The following CTNND2 variants were observed in gnomAD, a reference collection of about 807,000 sequenced individuals.
CTNND2 encodes catenin delta 2.
A neutral mutation model predicts 144.4 loss-of-function variants in CTNND2; 22 were observed. The ratio of observed to expected loss-of-function variants is 0.15; its 90% confidence interval spans 0.11 to 0.22. The LOEUF is 0.22. Ranked by LOEUF, CTNND2 falls within the 10% of genes least tolerant of loss-of-function variation. The pLI is 1.00. For synonymous variants in CTNND2, 751 were observed against 695.6 expected (o/e 1.08, Z -1.25); for missense variants, 1,353 against 1,618.8 (o/e 0.84, Z 2.82).
intron 15 of CTNND2, among the ~76,000 whole-genome samples, chr5:11,097,754 A>C (rs1469513927): frequency 6.6e-6 from 1 of 152,150 alleles, no homozygotes; most frequent in Non-Finnish European, 1.5e-5. Context: ...ATGTAAAGGA[A>C]AGGAGTGATT....
At chr5:11,425,588 T>A (rs758278560) in intron 3 of CTNND2, among the ~76,000 whole-genome samples, 66 of 152,152 alleles carry the variant, frequency 4.3e-4, no homozygotes, top group Non-Finnish European at 6.9e-4. Flanking sequence ...ATGTATAAAA[T>A]CATTTTAAAA....
chr5:11,691,177 C>G lies in CTNND2; in HGVS notation c.174+40959G>C, dbSNP rs968845108. 2.0e-5 allele frequency among the ~76,000 whole-genome samples: 3 copies of G among 152,156 alleles called. No homozygotes were observed. In the South Asian group the frequency reaches 6.2e-4, roughly 32 times the overall value. On this transcript the variant is annotated intron_variant, in intron 2 of 21. Transcript: ENST00000304623. ...ACAAGGTCAGGAGATTGAGACCATCCTGGCTAACATGGGGCAACTCCGTCT... is the reference window on the plus strand; with the variant it reads ...ACAAGGTCAGGAGATTGAGACCATCGTGGCTAACATGGGGCAACTCCGTCT...
chr5:11,657,042 A>G (rs572013938), intron 2 of CTNND2, among the ~76,000 whole-genome samples: 1 of 152,216 alleles, frequency 6.6e-6, no homozygotes, highest in African/African-American at 2.4e-5. Flanking sequence ...TAAAACTTGA[A>G]GAATGTGTCT....
Position 11,162,884 on chromosome 5 carries a change from TACACAC to T in CTNND2, c.1976-3131_1976-3126del, listed in dbSNP as rs34257746. Among the ~76,000 whole-genome samples, 725 of 147,772 alleles carry T rather than the reference TACACAC, an allele frequency of 4.9e-3. 1 individual carries two copies. The highest frequency in any genetic ancestry group is 0.017 in the Middle Eastern group (5 of 292). ...ACTGGGAATTCCACATCTTTCCTGC[TACACAC>T]ACACACACACACACACACACACATA... On this transcript the variant is annotated intron_variant, in intron 11 of 21. Transcript: ENST00000304623.
chr5:11,817,411 GAGAGAGAGAGAGAGAGAGAGAGAGAGA>G (rs1793031652), intron 1 of CTNND2, among the ~76,000 whole-genome samples: 1 of 378 alleles, frequency 2.6e-3, no homozygotes, highest in Non-Finnish European at 6.6e-3. Flanking sequence ...AGAGAGGAGG[GAGAGAGAGAGAGAGAGAGAGAGAGAGA>G]GAGAGAGAGA....
intron 1 of CTNND2, among the ~76,000 whole-genome samples, chr5:11,788,462 T>C (rs1428576246): frequency 6.6e-6 from 1 of 152,172 alleles, no homozygotes; most frequent in Non-Finnish European, 1.5e-5. Flanking sequence ...GAAAATCTAA[T>C]ATTACTTTAC....
chr5:11,792,763 A>C (rs1282591614), intron 1 of CTNND2, among the ~76,000 whole-genome samples: 1 of 152,248 alleles, frequency 6.6e-6, no homozygotes, highest in East Asian at 1.9e-4. Context: ...TGTCCTCTTA[A>C]AAGAAAAATA....
At chr5:11,167,906 A>G (rs1759505290) in intron 11 of CTNND2, among the ~76,000 whole-genome samples, 2 of 145,128 alleles carry the variant, frequency 1.4e-5, no homozygotes, top group South Asian at 4.4e-4. Flanking sequence ...AGGTCTTACT[A>G]TGTTGTTCAG....
intron 15 of CTNND2, among the ~76,000 whole-genome samples, chr5:11,091,224 T>A (rs1049857182): frequency 6.6e-6 from 1 of 152,186 alleles, no homozygotes; most frequent in Admixed American, 6.5e-5. Flanking sequence ...GCTGGATAGC[T>A]TCTATTGTCT....
chr5:11,312,808 T>C (rs1479934845), intron 9 of CTNND2, among the ~76,000 whole-genome samples: 1 of 148,422 alleles, frequency 6.7e-6, no homozygotes, highest in African/African-American at 2.5e-5. Context: ...CATACGTCCC[T>C]GGACAACTTG....
chr5:11,708,417 C>T (rs867028390), intron 2 of CTNND2, among the ~76,000 whole-genome samples: 14 of 152,210 alleles, frequency 9.2e-5, no homozygotes, highest in Middle Eastern at 3.4e-3. Flanking sequence ...TGAAACCTTT[C>T]TTTAAGGGTT....
intron 1 of CTNND2, among the ~76,000 whole-genome samples, chr5:11,811,656 G>C (rs2126909998): frequency 6.6e-6 from 1 of 152,204 alleles, no homozygotes; most frequent in South Asian, 2.1e-4. Flanking sequence ...TTAAGCTTCT[G>C]ATCTATTTTC....
At chr5:11,450,694 T>C (rs1244148551) in intron 3 of CTNND2, among the ~76,000 whole-genome samples, 1 of 151,826 alleles carries the variant, frequency 6.6e-6, no homozygotes, top group African/African-American at 2.4e-5. Flanking sequence ...GGTCAGGAGA[T>C]CGAGACCATC....
At chr5:10,987,817 G>A (rs955316441) in intron 20 of CTNND2, among the ~76,000 whole-genome samples, 4 of 151,412 alleles carry the variant, frequency 2.6e-5, no homozygotes, top group African/African-American at 9.7e-5. Context: ...ATGTCAATGA[G>A]GAAGAAATAT....
At chr5:11,105,583 T>G (rs1237205096) in intron 14 of CTNND2, among the ~76,000 whole-genome samples, 2 of 152,102 alleles carry the variant, frequency 1.3e-5, no homozygotes, top group South Asian at 4.1e-4. Flanking sequence ...GGCTGAGAGA[T>G]AAAATACAAT....
At chr5:11,182,429 T>C (rs1013807102) in intron 11 of CTNND2, among the ~76,000 whole-genome samples, 14 of 151,934 alleles carry the variant, frequency 9.2e-5, no homozygotes, top group African/African-American at 2.7e-4. Flanking sequence ...AGTGACTTAG[T>C]TTTTGGAGGA....
chr5:11,723,162 T>G (rs11745251), intron 2 of CTNND2, among the ~76,000 whole-genome samples: 34,250 of 151,998 alleles, frequency 0.23, 4,794 homozygotes, highest in African/African-American at 0.4. Flanking sequence ...AAGTGTATTT[T>G]TATGTTTTTT....
intron 15 of CTNND2, among the ~76,000 whole-genome samples, chr5:11,084,911 C>T (rs371280968): frequency 1.3e-5 from 2 of 151,932 alleles, no homozygotes; most frequent in East Asian, 1.9e-4. Context: ...GACATTATAC[C>T]CCCTCTACCA....
chr5:11,837,977 G>A (rs1284281532), intron 1 of CTNND2, among the ~76,000 whole-genome samples: 2 of 152,220 alleles, frequency 1.3e-5, no homozygotes, highest in Non-Finnish European at 1.5e-5. Flanking sequence ...TCCATGACAA[G>A]CTCTAATTAC....
Sources: allele counts gnomAD v4.1 joint callset (sites outside exome capture counted in the v4.1 genomes callset), GRCh38; gene constraint gnomAD v4.1.1; transcripts MANE v1.5; gene names NCBI Gene and HGNC (gene_info 2026-07-23, HGNC 2026-07-21).